NTM: variants seen among roughly 807,000 people sequenced by gnomAD.
NTM encodes the protein IgLON family member 2.
A neutral mutation model predicts 42.1 loss-of-function variants in NTM; 13 were observed. That is an observed-to-expected ratio of 0.31 (90% CI 0.20 to 0.49). The LOEUF (loss-of-function observed/expected upper bound fraction) is 0.49. NTM is among the 20% of genes least tolerant of loss of function. The probability of loss-of-function intolerance (pLI) is 0.99; values close to 1 mark genes in which losing one functional copy is unlikely to be tolerated. For synonymous variants in NTM, 187 were observed against 179.2 expected (o/e 1.04, Z -0.35); for missense variants, 373 against 452.8 (o/e 0.82, Z 1.60).
At chr11:132,263,798 C>A (rs967329061) in intron 4 of NTM, among the ~76,000 whole-genome samples, 5 of 152,232 alleles carry the variant, frequency 3.3e-5, no homozygotes, top group East Asian at 1.9e-4. Flanking sequence ...AAGCTCTTTG[C>A]AATTTTACAA....
intron 1 of NTM, among the ~76,000 whole-genome samples, chr11:131,849,892 A>C (rs924126859): frequency 2.0e-5 from 3 of 151,494 alleles, no homozygotes; most frequent in Non-Finnish European, 4.4e-5. Flanking sequence ...TAATGGGTGC[A>C]GCACACCAAC....
At chr11:132,163,832 G>A (rs761419436) in intron 3 of NTM, among the ~76,000 whole-genome samples, 4 of 152,186 alleles carry the variant, frequency 2.6e-5, no homozygotes, top group African/African-American at 4.8e-5. Context: ...CAATACCAAC[G>A]TTGAGGTCCT....
intron 2 of NTM, among the ~76,000 whole-genome samples, chr11:132,052,773 CTGTGTGTGTGTGTGTG>C (rs5795753): frequency 6.7e-6 from 1 of 148,272 alleles, no homozygotes; most frequent in Non-Finnish European, 1.5e-5. Flanking sequence ...TCCAGGCTCA[CTGTGTGTGTGTGTGTG>C]TGTGTGTGTG....
intron 2 of NTM, among the ~76,000 whole-genome samples, chr11:131,998,941 A>G (rs2068657147): frequency 6.6e-6 from 1 of 152,156 alleles, no homozygotes; most frequent in African/African-American, 2.4e-5. Flanking sequence ...GCTCAAATAT[A>G]TCACCAGTCT....
At chr11:131,769,363 C>T (rs1350205623) in intron 1 of NTM, among the ~76,000 whole-genome samples, 5 of 152,150 alleles carry the variant, frequency 3.3e-5, no homozygotes, top group African/African-American at 4.8e-5. Context: ...GCACTCAAAG[C>T]CTCTTCAAGC....
intron 2 of NTM, among the ~76,000 whole-genome samples, chr11:132,094,169 T>A (rs1416214899): frequency 6.6e-6 from 1 of 152,254 alleles, no homozygotes; most frequent in Non-Finnish European, 1.5e-5. Context: ...ATCTAGGTTA[T>A]AGTTCACAAT....
chr11:132,088,832 G>C (rs369146014), intron 2 of NTM, among the ~76,000 whole-genome samples: 79 of 152,236 alleles, frequency 5.2e-4, no homozygotes, highest in African/African-American at 1.8e-3. Context: ...GCTGTCTCCT[G>C]CCTCTATCAG....
At position 131,526,328 on chromosome 11, in the gene NTM, G is replaced by A. The variant is rs191622057; in HGVS notation, c.82+155440G>A. Reference sequence around the variant, plus strand: ...CCAGCTGGGGATGGCTGATTGGGCAGGTGTGGGTCCACAGTGGTACTCACA... The same window carrying A: ...CCAGCTGGGGATGGCTGATTGGGCAAGTGTGGGTCCACAGTGGTACTCACA... On this transcript the variant is annotated intron_variant, in intron 1 of 8. Coordinates refer to ENST00000683400, the MANE Select transcript of NTM (RefSeq NM_001352005.2). 6.6e-5 allele frequency among the ~76,000 whole-genome samples: 10 copies of A among 152,332 alleles called. No homozygotes were observed. The East Asian group carries it at 9.6e-4, about 15-fold the overall frequency.
intron 1 of NTM, among the ~76,000 whole-genome samples, chr11:131,391,891 T>C (rs1258008200): frequency 6.6e-6 from 1 of 152,022 alleles, no homozygotes; most frequent in Non-Finnish European, 1.5e-5. Flanking sequence ...AAGAAGGCTG[T>C]ATTAAGGGAG....
intron 2 of NTM, among the ~76,000 whole-genome samples, chr11:131,923,907 A>G (rs1217852315): frequency 6.6e-6 from 1 of 152,178 alleles, no homozygotes; most frequent in Non-Finnish European, 1.5e-5. Flanking sequence ...TGGCACATGG[A>G]TTAGCCTTGC....
At chr11:131,549,328 A>G (rs1394472533) in intron 1 of NTM, among the ~76,000 whole-genome samples, 2 of 152,180 alleles carry the variant, frequency 1.3e-5, no homozygotes, top group African/African-American at 4.8e-5. Context: ...AGCAAAAATT[A>G]TGTCTAGGGT....
chr11:131,638,307 C>T (rs924992153), intron 1 of NTM, among the ~76,000 whole-genome samples: 10 of 152,176 alleles, frequency 6.6e-5, no homozygotes, highest in African/African-American at 2.4e-4. Flanking sequence ...TGGCTCATGT[C>T]TGTAATCCCA....
At chr11:132,266,383 C>A (rs1398360739) in intron 4 of NTM, among the ~76,000 whole-genome samples, 3 of 152,176 alleles carry the variant, frequency 2.0e-5, no homozygotes. Context: ...CTAGTAGTGG[C>A]ATCTGAGGCC....
intron 2 of NTM, among the ~76,000 whole-genome samples, chr11:132,051,654 T>G (rs1377160088): frequency 6.6e-6 from 1 of 152,134 alleles, no homozygotes; most frequent in Non-Finnish European, 1.5e-5. Flanking sequence ...TGGCACAGGA[T>G]GCCAAGAGCC....
At chr11:132,316,888 C>A (rs1336479713) in intron 7 of NTM, among the ~76,000 whole-genome samples, 1 of 152,144 alleles carries the variant, frequency 6.6e-6, no homozygotes, top group Non-Finnish European at 1.5e-5. Context: ...TGTCAGTTTC[C>A]ATTAAAAGCC....
chr11:131,588,927 T>C (rs935491993), intron 1 of NTM, among the ~76,000 whole-genome samples: 3 of 152,138 alleles, frequency 2.0e-5, no homozygotes, highest in Non-Finnish European at 4.4e-5. Flanking sequence ...GAAAGAGAAA[T>C]GGCATTAACA....
intron 4 of NTM, among the ~76,000 whole-genome samples, chr11:132,303,725 A>C (rs1417328976): frequency 1.3e-5 from 2 of 150,126 alleles, no homozygotes; most frequent in Admixed American, 6.7e-5. Context: ...AAAAAAAAAA[A>C]AAAAAACAAT....
intron 1 of NTM, among the ~76,000 whole-genome samples, chr11:131,512,928 A>G (rs924199821): frequency 2.0e-5 from 3 of 151,936 alleles, no homozygotes; most frequent in African/African-American, 4.8e-5. Context: ...CAATGGCTCA[A>G]TTTAGCACCC....
At chr11:131,707,995 G>C (rs915481016) in intron 1 of NTM, among the ~76,000 whole-genome samples, 2 of 152,046 alleles carry the variant, frequency 1.3e-5, no homozygotes, top group Admixed American at 6.6e-5. Flanking sequence ...GTATTGAAGG[G>C]ATCTTACACA....
Sources: gnomAD v4.1 joint callset for allele counts (sites outside exome capture counted in the v4.1 genomes callset) on GRCh38, gnomAD v4.1.1 for gene constraint, MANE v1.5 for transcripts, NCBI Gene and HGNC (gene_info 2026-07-23, HGNC 2026-07-21) for gene names.